Variants in PRIMPOL observed in about 807,000 individuals in gnomAD.
PRIMPOL encodes the protein DNA-directed primase/polymerase protein.
Under a neutral mutation model 63.6 loss-of-function variants are expected in PRIMPOL, and 54 were observed. The ratio of observed to expected loss-of-function variants is 0.85; its 90% CI spans 0.68 to 1.07. The LOEUF (loss-of-function observed/expected upper bound fraction) is 1.07, where lower values mean the gene tolerates loss of function less well. PRIMPOL is among the 50% of genes least tolerant of loss of function. The probability of loss-of-function intolerance (pLI) is 0.00; values close to 1 mark genes in which losing one functional copy is unlikely to be tolerated. For missense variants in PRIMPOL, 610 were observed against 648.3 expected, an observed-to-expected ratio of 0.94 and a Z score of 0.64; for synonymous variants, 197 against 220.2, an observed-to-expected ratio of 0.89 and a Z score of 0.93.
chr4:184,658,767 G>A (rs187998566), intron 3 of PRIMPOL, among the ~76,000 whole-genome samples: 6 of 152,120 alleles, frequency 3.9e-5, no homozygotes, highest in Admixed American at 3.9e-4. Context: ...AATTAATCGG[G>A]CGTGGTGGTG....
At chr4:184,690,030 C>G (rs1362052151) in intron 11 of PRIMPOL, among the ~76,000 whole-genome samples, 1 of 152,160 alleles carries the variant, frequency 6.6e-6, no homozygotes, top group Non-Finnish European at 1.5e-5. Context: ...ACTAAGTCAC[C>G]TGCCTTTTTT....
At chr4:184,662,044 A>G in intron 5 of PRIMPOL, 141 bp downstream of exon 5, 1 of 678,854 alleles carries the variant, frequency 1.5e-6, no homozygotes. Flanking sequence ...AGGATTTTTT[A>G]ATATTACTTG....
rs148751692 is a variant in PRIMPOL, at chr4:184,667,602, G to A, written c.556+1538G>A. Among the ~76,000 whole-genome samples the A allele has an allele frequency of 9.0e-3, 1,367 of 152,248 alleles. 22 individuals are homozygous for A. Among genetic ancestry groups the A allele is most frequent in the African/African-American group, 0.032 (1,309 of 41,532 alleles). On this transcript the variant is annotated intron_variant, in intron 6 of 13. Coordinates refer to ENST00000314970, the MANE Select transcript of PRIMPOL (RefSeq NM_152683.4). Reference sequence around the variant, plus strand: ...TGGGATTACAGGCGTGAGCCACCGTGCCTGGCCGAAAGTGAGACTTTTAAT... The same window carrying A: ...TGGGATTACAGGCGTGAGCCACCGTACCTGGCCGAAAGTGAGACTTTTAAT...
At chr4:184,659,052 G>C (rs1331493936) in intron 3 of PRIMPOL, among the ~76,000 whole-genome samples, 2 of 151,940 alleles carry the variant, frequency 1.3e-5, no homozygotes, top group African/African-American at 4.8e-5. Flanking sequence ...ACTATCATAG[G>C]AAGTCATACA....
At chr4:184,667,382 C>G (rs1051306242) in intron 6 of PRIMPOL, among the ~76,000 whole-genome samples, 1 of 151,920 alleles carries the variant, frequency 6.6e-6, no homozygotes, top group Admixed American at 6.6e-5. Context: ...ACGTTCTTGG[C>G]TCACTGCAAC....
In PRIMPOL at chr4:184,661,794, A is replaced by G. The variant is rs774512075; in HGVS notation, c.299A>G (p.Tyr100Cys). 5 of 1,611,052 alleles carry G rather than the reference A, an allele frequency of 3.1e-6. No individual in the cohort carries two copies. The highest frequency in any genetic ancestry group is 4.5e-5 in the East Asian group (2 of 44,830). The change falls in exon 5 of 14, where the codon TAT becomes TGT. Residue 100 changes from tyrosine to cysteine, a missense_variant. Around this residue, in one of 3 missense-constraint regions of PRIMPOL, gnomAD observed 159 missense variants for 168.9 expected, o/e 0.94. Coordinates refer to ENST00000314970, the MANE Select transcript of PRIMPOL (RefSeq NM_152683.4). ...TTTAGAAAAAATCTCTTACACTGCT[A>G]TGAAGTTATTCCTGAAAATGCTGTG... ...YKSRKNLLHC[Y>C]EVIPENAVCK...
chr4:184,681,973 C>T (rs1755745209), intron 8 of PRIMPOL, among the ~76,000 whole-genome samples: 1 of 152,126 alleles, frequency 6.6e-6, no homozygotes, highest in African/African-American at 2.4e-5. Flanking sequence ...CCTAGAGTCC[C>T]CTGATCCATT....
chr4:184,672,835 G>A lies in PRIMPOL; in HGVS notation c.844+375G>A, dbSNP rs527630830. Among the ~76,000 whole-genome samples the A allele has an allele frequency of 9.2e-5, 14 of 152,266 alleles. No individual in the cohort carries two copies. The East Asian group carries it at 1.2e-3, about 13-fold the overall frequency. ...GGTATAAAAGCAGTACTCGTGTGGC[G>A]CGGTGAGCCTGGGTGTTCTCCTCAC... is the stretch of plus-strand genomic sequence containing the variant. On this transcript the variant is annotated intron_variant, in intron 7 of 13. Coordinates refer to ENST00000314970, the MANE Select transcript of PRIMPOL (RefSeq NM_152683.4).
intron 6 of PRIMPOL, among the ~76,000 whole-genome samples, chr4:184,671,374 C>T (rs540528335): frequency 6.6e-5 from 10 of 152,118 alleles, no homozygotes; most frequent in Admixed American, 1.3e-4. Context: ...CCTAACTCCC[C>T]GAGATTTCCT....
intron 6 of PRIMPOL, among the ~76,000 whole-genome samples, chr4:184,668,530 C>T (rs756568787): frequency 1.3e-5 from 2 of 152,168 alleles, no homozygotes; most frequent in Admixed American, 6.5e-5. Context: ...CTGTCCTGGG[C>T]CACATTTCCT....
At chr4:184,688,019 G>A (rs1024145762) in intron 11 of PRIMPOL, among the ~76,000 whole-genome samples, 1 of 152,196 alleles carries the variant, frequency 6.6e-6, no homozygotes, top group Admixed American at 6.5e-5. Flanking sequence ...GTATGTAGCT[G>A]TTGCTTATTT....
At chr4:184,685,193 G>A (rs913744384) in intron 9 of PRIMPOL, among the ~76,000 whole-genome samples, 2 of 152,088 alleles carry the variant, frequency 1.3e-5, no homozygotes, top group South Asian at 2.1e-4. Context: ...TATTTCAAAC[G>A]CTTTTTATGA....
chr4:184,679,439 G>A (rs1170751865), intron 8 of PRIMPOL, among the ~76,000 whole-genome samples: 1 of 152,116 alleles, frequency 6.6e-6, no homozygotes, highest in Non-Finnish European at 1.5e-5. Context: ...CTGGGTGACA[G>A]GGTGAGACCC....
At position 184,672,446 on chromosome 4, in the gene PRIMPOL, T is replaced by C; in HGVS notation, c.830T>C (p.Leu277Pro). 6.2e-7 allele frequency: 1 copy of C among 1,607,486 alleles called. No individual in the cohort carries two copies. The highest frequency in any genetic ancestry group is 2.2e-5 in the East Asian group (1 of 44,840). ...AAGAATAACATGGGAGAGAAGCATC[T>C]TTTTGTAGATCTCGGTAAGTAAGAT... ...VVKNNMGEKH[L>P]FVDLGVYTRN... Residue 277 changes from leucine (L) to proline (P), a missense_variant, in exon 7 of 14, where the codon CTT becomes CCT. Around this residue, in one of 3 missense-constraint regions of PRIMPOL, gnomAD observed 444 missense variants for 456.4 expected, o/e 0.97. Transcript: ENST00000314970.
chr4:184,654,230 C>CT (rs1188606679), intron 2 of PRIMPOL, among the ~76,000 whole-genome samples: 9 of 152,208 alleles, frequency 5.9e-5, no homozygotes, highest in African/African-American at 2.2e-4. Flanking sequence ...TTGGTAGATA[C>CT]TAGCTAGATT....
At chr4:184,663,625 A>G (rs1400296197) in intron 5 of PRIMPOL, among the ~76,000 whole-genome samples, 1 of 152,244 alleles carries the variant, frequency 6.6e-6, no homozygotes, top group Non-Finnish European at 1.5e-5. Context: ...CTTATTCTTT[A>G]TACTACTTTA....
Position 184,685,440 on chromosome 4 carries a change from C to T in PRIMPOL, c.1128C>T (p.Pro376=). The part of the protein sequence containing the change: ...VETIEGFQCS[P]YPEVDHFVLS... The stretch of plus-strand genomic sequence containing the variant: ...CCATTGAAGGTTTTCAGTGTTCTCC[C>T]TATCCTGAAGTTGATCATTTTGTTC... The change falls in exon 10 of 14, where the codon CCC becomes CCT. Residue 376 remains proline, a synonymous_variant. Coordinates refer to ENST00000314970, the MANE Select transcript of PRIMPOL (RefSeq NM_152683.4). The T allele has an allele frequency of 6.2e-7, 1 of 1,612,704 alleles. No individual in the cohort carries two copies. Among genetic ancestry groups the T allele is most frequent in the Non-Finnish European group, 8.5e-7 (1 of 1,178,756 alleles).
At chr4:184,661,044 A>G (rs1245964642) in intron 4 of PRIMPOL, among the ~76,000 whole-genome samples, 1 of 152,212 alleles carries the variant, frequency 6.6e-6, no homozygotes, top group Non-Finnish European at 1.5e-5. Flanking sequence ...TTATCTTCCA[A>G]TGAAAATACA....
At position 184,665,907 on chromosome 4, in the gene PRIMPOL, G is replaced by A; in HGVS notation, c.409-10G>A. ...AATATAAATTATTTGCATTTTACTT[G>A]TGTTTTTAGTATGTGTGTAAAGCAC... On this transcript the variant is annotated splice_polypyrimidine_tract_variant and intron_variant, in intron 5 of 13. Transcript: ENST00000314970. The A allele has an allele frequency of 6.6e-7, 1 of 1,514,240 alleles. No homozygotes were observed. The highest frequency in any genetic ancestry group is 1.3e-5 in the South Asian group (1 of 77,468). The allele number at this position is 1,514,240 out of a possible 1,614,324, so 93.8% of individuals were successfully genotyped here. A position where few individuals can be genotyped will look rare whatever the true frequency, so the allele number is the denominator to read the frequency against.
Sources: gnomAD v4.1 joint callset for allele counts (sites outside exome capture counted in the v4.1 genomes callset) on GRCh38, gnomAD v4.1.1 for gene constraint, gnomAD v4.1.1 regional missense constraint, MANE v1.5 for transcripts, NCBI Gene and HGNC (gene_info 2026-07-23, HGNC 2026-07-21) for gene names.